The following ZGRF1 variants were observed in gnomAD, a reference collection of about 807,000 sequenced individuals.
ZGRF1 encodes 5'-3' DNA helicase ZGRF1.
Under a neutral mutation model 203.5 loss-of-function variants are expected in ZGRF1, and 196 were observed. The observed-to-expected ratio is 0.96, with a 90% CI of 0.86 to 1.08. The LOEUF is 1.08. Ranked by LOEUF, ZGRF1 falls within the 50% of genes least tolerant of loss-of-function variation. The pLI is 0.00. For synonymous variants in ZGRF1, 809 were observed against 841.3 expected, an observed-to-expected ratio of 0.96 and a Z score of 0.66; for missense variants, 2,326 against 2,416.3, an observed-to-expected ratio of 0.96 and a Z score of 0.78.
intron 1 of ZGRF1, among the ~76,000 whole-genome samples, chr4:112,634,127 T>C (rs2047500591): frequency 6.6e-6 from 1 of 152,244 alleles, no homozygotes; most frequent in African/African-American, 2.4e-5. Context: ...CATATATTTA[T>C]TCAGTACTTA....
intron 10 of ZGRF1, among the ~76,000 whole-genome samples, chr4:112,593,144 T>C (rs537064609): frequency 1.3e-5 from 2 of 152,324 alleles, no homozygotes; most frequent in South Asian, 2.1e-4. Flanking sequence ...TATTTTGTTA[T>C]GGCAACCCTA....
intron 6 of ZGRF1, among the ~76,000 whole-genome samples, chr4:112,615,682 G>C (rs568324037): frequency 5.4e-5 from 8 of 148,142 alleles, no homozygotes; most frequent in Non-Finnish European, 8.9e-5. Context: ...TTGTTGCCCA[G>C]GAGCACAATG....
intron 10 of ZGRF1, among the ~76,000 whole-genome samples, chr4:112,594,354 A>G (rs902068547): frequency 6.6e-6 from 1 of 152,174 alleles, no homozygotes; most frequent in Non-Finnish European, 1.5e-5. Context: ...CATTTCTAAC[A>G]AATATCATTT....
intron 12 of ZGRF1, 35 bp from the exon 13 acceptor site, chr4:112,586,618 C>G: frequency 6.6e-7 from 1 of 1,520,380 alleles, no homozygotes; most frequent in Non-Finnish European, 8.9e-7. Flanking sequence ...CATAGCAACT[C>G]CAGAAAAATA....
intron 24 of ZGRF1, among the ~76,000 whole-genome samples, chr4:112,546,405 T>C (rs1405773118): frequency 2.0e-5 from 3 of 152,204 alleles, no homozygotes; most frequent in Admixed American, 6.5e-5. Flanking sequence ...GTTTCTGCTA[T>C]ATAAACTGCA....
chr4:112,554,531 G>A (rs1006406521), intron 21 of ZGRF1, among the ~76,000 whole-genome samples, 174 bp downstream of exon 21: 4 of 152,126 alleles, frequency 2.6e-5, no homozygotes, highest in Non-Finnish European at 5.9e-5. Flanking sequence ...CCTTTGTAGG[G>A]ACATGGATGA....
At chr4:112,612,426 C>A in intron 7 of ZGRF1, 98 bp downstream of exon 7, 1 of 750,650 alleles carries the variant, frequency 1.3e-6, no homozygotes, top group Non-Finnish European at 2.2e-6. Flanking sequence ...AGTCATGAAC[C>A]AAGATAGCTT....
intron 7 of ZGRF1, among the ~76,000 whole-genome samples, chr4:112,611,443 C>T (rs1554000552): frequency 6.6e-6 from 1 of 152,112 alleles, no homozygotes; most frequent in Non-Finnish European, 1.5e-5. Context: ...GCAAGTGAAA[C>T]ATTCTACTTT....
Position 112,581,659 on chromosome 4 carries a change from T to C in ZGRF1, c.4438+4A>G. On this transcript the variant is annotated splice_donor_region_variant and intron_variant, in intron 16 of 27. Transcript: ENST00000505019. ...GAATCGCCAGTATGATCAGATCAAC[T>C]TACTTTTGCTATAAGCTGAAGATCT... The C allele has an allele frequency of 1.3e-6, 2 of 1,575,546 alleles. No individual in the cohort carries two copies. The highest frequency in any genetic ancestry group is 1.7e-6 in the Non-Finnish European group (2 of 1,165,990).
chr4:112,550,191 C>CA (rs375935890), intron 22 of ZGRF1, among the ~76,000 whole-genome samples: 10,579 of 141,032 alleles, frequency 0.075, 501 homozygotes, highest in Non-Finnish European at 0.1. Flanking sequence ...GACTCCATCT[C>CA]AAAAAAAAAA....
At chr4:112,632,481 AT>A (rs1336461680) in intron 2 of ZGRF1, among the ~76,000 whole-genome samples, 1 of 152,124 alleles carries the variant, frequency 6.6e-6, no homozygotes, top group Non-Finnish European at 1.5e-5. Flanking sequence ...GGTCAAAACT[AT>A]TTTCATGATG....
chr4:112,625,541 G>A (rs1394482023), intron 3 of ZGRF1, among the ~76,000 whole-genome samples: 7 of 147,046 alleles, frequency 4.8e-5, no homozygotes, highest in African/African-American at 1.3e-4. Flanking sequence ...AGCCGAGATC[G>A]CGCCACTGCA....
At chr4:112,574,852 C>G (rs1265206260) in intron 16 of ZGRF1, among the ~76,000 whole-genome samples, 1 of 151,912 alleles carries the variant, frequency 6.6e-6, no homozygotes, top group Admixed American at 6.6e-5. Context: ...ATGGTGAAAC[C>G]CTGTCTCTAC....
Position 112,617,847 on chromosome 4 carries a change from G to C in ZGRF1, c.2195C>G (p.Ser732Cys). 4 of 1,614,024 alleles carry C rather than the reference G, an allele frequency of 2.5e-6. No homozygotes were observed. Among genetic ancestry groups the C allele is most frequent in the Non-Finnish European group, 3.4e-6 (4 of 1,179,962 alleles). ...KNDEHVLPST[S>C]SSDNSVQLLN... Reference sequence around the variant, plus strand: ...TAGTTGGACACTGTTGTCACTACTAGAAGTTGAGGGTAAAACATGTTCATC... The same window carrying C: ...TAGTTGGACACTGTTGTCACTACTACAAGTTGAGGGTAAAACATGTTCATC... The change falls in exon 6 of 28, where the codon TCT becomes TGT. Residue 732 changes from serine (S) to cysteine (C), a missense_variant. By Grantham distance (112) the Ser-to-Cys change is moderately radical. Transcript: ENST00000505019.
chr4:112,635,760 T>C (rs1013325674), intron 1 of ZGRF1, among the ~76,000 whole-genome samples: 6 of 151,878 alleles, frequency 4.0e-5, no homozygotes, highest in Admixed American at 2.6e-4. Flanking sequence ...AGTCTCATAA[T>C]CCTGAAGAAT....
rs564801234 is a variant in ZGRF1 at position 112,609,046 on chromosome 4, A to G, written c.2718+333T>C. 1.5e-3 allele frequency among the ~76,000 whole-genome samples: 228 copies of G among 152,146 alleles called. 1 individual carries two copies. Among genetic ancestry groups the G allele is most frequent in the African/African-American group, 5.3e-3 (218 of 41,516 alleles). On this transcript the variant is annotated intron_variant, in intron 8 of 27. Coordinates refer to ENST00000505019, the MANE Select transcript of ZGRF1 (RefSeq NM_018392.5). ...ACATGCCATACCTCTATATACAAATATAATTGGCTAATTTTTTTTTTTTTT... is the reference window on the plus strand; with the variant it reads ...ACATGCCATACCTCTATATACAAATGTAATTGGCTAATTTTTTTTTTTTTT...
chr4:112,549,690 A>G (rs185034543), intron 22 of ZGRF1, among the ~76,000 whole-genome samples: 148 of 152,332 alleles, frequency 9.7e-4, no homozygotes, highest in African/African-American at 3.4e-3. Flanking sequence ...TACAGTTCAT[A>G]ATACTTGATA....
chr4:112,599,920 C>A (rs906061342), intron 10 of ZGRF1, among the ~76,000 whole-genome samples: 1 of 152,068 alleles, frequency 6.6e-6, no homozygotes, highest in Non-Finnish European at 1.5e-5. Context: ...TGTAACTTTA[C>A]ATAAAATGTA....
At chr4:112,570,533 TGAG>T (rs1744013444) in intron 16 of ZGRF1, among the ~76,000 whole-genome samples, 2 of 152,008 alleles carry the variant, frequency 1.3e-5, no homozygotes, top group Non-Finnish European at 2.9e-5. Context: ...TGCAGTGAGC[TGAG>T]ATCATGCCAC....
Sources: allele counts gnomAD v4.1 joint callset (sites outside exome capture counted in the v4.1 genomes callset), GRCh38; gene constraint gnomAD v4.1.1; transcripts MANE v1.5; gene names NCBI Gene and HGNC (gene_info 2026-07-23, HGNC 2026-07-21).